The following CXXC1 variants were observed in gnomAD, a reference collection of about 807,000 sequenced individuals.
CXXC1 encodes CXXC finger protein 1, also known as CXXC-type zinc finger protein 1.
CXXC1 carries 21 observed loss-of-function variants against 83.6 expected under a neutral mutation model. That is an observed-to-expected ratio of 0.25 (90% confidence interval 0.18 to 0.36). The LOEUF (loss-of-function observed/expected upper bound fraction) is 0.36. Ranked by LOEUF, CXXC1 falls within the 10% of genes least tolerant of loss-of-function variation. CXXC1 has a pLI of 1.00. For missense variants in CXXC1, 688 were observed against 919.5 expected (o/e 0.75, Z 3.26); for synonymous variants, 371 against 337.5 (o/e 1.10, Z -1.09).
rs1450929490 is a variant in CXXC1 at position 50,286,185 on chromosome 18, C to T, written c.296G>A (p.Ser99Asn). 1 of 1,613,818 alleles carries T rather than the reference C, an allele frequency of 6.2e-7. No individual in the cohort carries two copies. The highest frequency in any genetic ancestry group is 8.5e-7 in the Non-Finnish European group (1 of 1,179,982). The change falls in exon 4 of 15, where the codon AGC (serine) becomes AAC (asparagine). Residue 99 changes from serine (S) to asparagine (N), a missense_variant. Around this residue, in one of 9 missense-constraint regions of CXXC1, gnomAD observed 142 missense variants for 150.7 expected, o/e 0.94. Coordinates refer to ENST00000285106, the MANE Select transcript of CXXC1 (RefSeq NM_014593.4). The part of the protein sequence containing the change: ...SRERDGNERD[S>N]SEPRDEGGGR... ...TCCACCCTCATCCCGGGGCTCACTGCTGTCCCGCTCATTGCCATCCCGCTC... is the reference window on the plus strand; with the variant it reads ...TCCACCCTCATCCCGGGGCTCACTGTTGTCCCGCTCATTGCCATCCCGCTC...
chr18:50,287,557 G>T (rs752941342), intron 1 of CXXC1, 30 bp downstream of exon 1: 2 of 1,611,366 alleles, frequency 1.2e-6, no homozygotes, highest in Non-Finnish European at 8.5e-7. Flanking sequence ...GACCTCCACC[G>T]CCGAACCCCT....
chr18:50,285,126 G>A lies in CXXC1; in HGVS notation c.788C>T (p.Ser263Leu). ...RIREDEGAVASSTVKEPPEAT... is the reference protein window; with the variant it reads ...RIREDEGAVALSTVKEPPEAT... ...CTCAGGAGGCTCCTTGACTGTTGATGACGCCACTGCCCCCTCATCTTCACG... is the reference window on the plus strand; with the variant it reads ...CTCAGGAGGCTCCTTGACTGTTGATAACGCCACTGCCCCCTCATCTTCACG... Residue 263 changes from serine (S) to leucine (L), a missense_variant, in exon 7 of 15, where the codon TCA becomes TTA. Around this residue, in one of 9 missense-constraint regions of CXXC1, gnomAD observed 190 missense variants for 199.7 expected, o/e 0.95. Coordinates refer to ENST00000285106, the MANE Select transcript of CXXC1 (RefSeq NM_014593.4). The surrounding 1 kb of genome is among the most constrained non-coding windows in gnomAD (Gnocchi z 4.4). The A allele has an allele frequency of 6.2e-7, 1 of 1,614,194 alleles. No homozygotes were observed. The highest frequency in any genetic ancestry group is 8.5e-7 in the Non-Finnish European group (1 of 1,180,036).
chr18:50,283,231 G>C, intron 13 of CXXC1, 34 bp downstream of exon 13: 1 of 1,565,610 alleles, frequency 6.4e-7, no homozygotes, highest in Non-Finnish European at 8.8e-7. Context: ...CAGGGAGGAG[G>C]GGCAAAATGG....
rs1401175838 is a variant in CXXC1, at chr18:50,285,908, C to T, written c.480G>A (p.Gln160=). ...TPSQHHQQQQ[Q]QIKRSARMCG... ...ACATGCGGGCTGACCGTTTGATCTG[C>T]TGCTGCTGCTGCTGGTGATGCTGCA... The change falls in exon 5 of 15, where the codon CAG becomes CAA. Residue 160 remains glutamine, a synonymous_variant. Transcript: ENST00000285106. This position sits in a 1 kb window ranked among gnomAD's most constrained non-coding sequence, Gnocchi z 4.4. 6.2e-7 allele frequency: 1 copy of T among 1,612,810 alleles called. No individual in the cohort carries two copies.
intron 1 of CXXC1, chr18:50,287,375 C>G (rs1276824884): frequency 1.6e-6 from 1 of 608,140 alleles, no homozygotes; most frequent in African/African-American, 1.9e-5. Flanking sequence ...AACTGCCACA[C>G]GGAGTCCCCA....
chr18:50,283,088 G>C, intron 13 of CXXC1, 82 bp from the exon 14 acceptor site: 1 of 1,504,206 alleles, frequency 6.6e-7, no homozygotes, highest in Non-Finnish European at 9.2e-7. Flanking sequence ...AGAAGGAAAA[G>C]AATGGAGGGT....
chr18:50,283,609 C>T, intron 11 of CXXC1, 45 bp from the exon 12 acceptor site: 1 of 1,611,262 alleles, frequency 6.2e-7, no homozygotes, highest in East Asian at 2.2e-5. Flanking sequence ...ATGTGCGCTG[C>T]ATGCCCTCCC....
At position 50,286,734 on chromosome 18, in the gene CXXC1, G is replaced by C. The variant is rs369950620; in HGVS notation, c.122+6C>G. The C allele has an allele frequency of 6.2e-7, 1 of 1,611,720 alleles. No homozygotes were observed. Among genetic ancestry groups the C allele is most frequent in the Non-Finnish European group, 8.5e-7 (1 of 1,177,830 alleles). On this transcript the variant is annotated splice_donor_region_variant and intron_variant, in intron 2 of 14. Transcript: ENST00000285106. ...TGTCAGCCCCGCCCATCTCTCCCGC[G>C]CTCACATCATGAAGCAGTTGATGTC... is the stretch of plus-strand genomic sequence containing the variant.
chr18:50,284,809 A>G lies in CXXC1; in HGVS notation c.943T>C (p.Phe315Leu). 6.2e-7 allele frequency: 1 copy of G among 1,614,172 alleles called. No homozygotes were observed. The highest frequency in any genetic ancestry group is 1.1e-5 in the South Asian group (1 of 91,082). The change falls in exon 8 of 15, where the codon TTC (phenylalanine) becomes CTC (leucine). Residue 315 changes from phenylalanine (F) to leucine (L), a missense_variant. By Grantham distance (22) the Phe-to-Leu change is conservative. Transcript: ENST00000285106. The stretch of plus-strand genomic sequence containing the variant: ...CTCTTCCGCAGCGCGGGGTCCAGGA[A>G]TGGGGACTCTTCTGTGTCGCTCATC... ...PWMSDTEESP[F>L]LDPALRKRAV...
rs764816813 is a variant in CXXC1, at chr18:50,286,523, C to T, written c.223+16G>A. ...TGAAGCCCCACCTGCCTTCCCTGTC[C>T]ATCCATGGCCCTCACCTCTGCACTC... On this transcript the variant is annotated intron_variant, in intron 3 of 14. Coordinates refer to ENST00000285106, the MANE Select transcript of CXXC1 (RefSeq NM_014593.4). 1.1e-5 allele frequency: 18 copies of T among 1,608,284 alleles called. No individual in the cohort carries two copies. The highest frequency in any genetic ancestry group is 1.5e-5 in the Non-Finnish European group (18 of 1,174,904).
In CXXC1 at chr18:50,287,634, C is replaced by A. The variant is rs776054762; in HGVS notation, c.-45G>T. On this transcript the variant is annotated 5_prime_UTR_variant, in exon 1 of 15. Transcript: ENST00000285106. ...TCCCTCACGACCCCCGCCAGCGACCCGCGAACCTGCACAGACCACTCGGCG... is the reference window on the plus strand; with the variant it reads ...TCCCTCACGACCCCCGCCAGCGACCAGCGAACCTGCACAGACCACTCGGCG... 3.1e-6 allele frequency: 5 copies of A among 1,608,294 alleles called. No individual in the cohort carries two copies. The African/African-American group carries it at 5.3e-5, about 17-fold the overall frequency.
intron 1 of CXXC1, chr18:50,287,276 G>A (rs530525971): frequency 1.2e-5 from 6 of 514,270 alleles, no homozygotes; most frequent in Middle Eastern, 8.2e-4. Context: ...CGGACTCCTC[G>A]TCACGGCTCA....
At chr18:50,286,372 T>A (rs1204658938) in intron 3 of CXXC1, 115 bp from the exon 4 acceptor site, 2 of 1,114,744 alleles carry the variant, frequency 1.8e-6, no homozygotes, top group East Asian at 4.7e-5. Flanking sequence ...TCTGCACCCC[T>A]GTCCAGGGCA....
Position 50,282,872 on chromosome 18 carries a change from G to C in CXXC1, c.1806C>G (p.Asp602Glu). 2 of 1,614,174 alleles carry C rather than the reference G, an allele frequency of 1.2e-6. No individual in the cohort carries two copies. Among genetic ancestry groups the C allele is most frequent in the Non-Finnish European group, 8.5e-7 (1 of 1,180,030 alleles). ...AACCTACCACACGCACGCGCTCCAA[G>C]TCCACTTCCGCACGCCGCAGCTTCT... ...CWEKLRRAEV[D>E]LERVRVWYKL... is the part of the protein sequence containing the mutation. Residue 602 changes from aspartate to glutamate, a missense_variant, in exon 14 of 15, where the codon GAC becomes GAG. Asp to Glu is a conservative substitution (Grantham distance 45). Around this residue, in one of 9 missense-constraint regions of CXXC1, gnomAD observed 114 missense variants for 173.3 expected, o/e 0.66. Coordinates refer to ENST00000285106, the MANE Select transcript of CXXC1 (RefSeq NM_014593.4). The surrounding 1 kb of genome is among the most constrained non-coding windows in gnomAD (Gnocchi z 5.8).
rs149380758 is a variant in CXXC1, at chr18:50,283,877, C to T, written c.1413+17G>A. 4.3e-6 allele frequency: 7 copies of T among 1,613,752 alleles called. No homozygotes were observed. The African/African-American group carries it at 5.3e-5, about 12-fold the overall frequency. ...ACAAAGTACAGGCCCTGCTCTGCTGCGCCCCTGCTTGCTCACCTCCTCATC... is the reference window on the plus strand; with the variant it reads ...ACAAAGTACAGGCCCTGCTCTGCTGTGCCCCTGCTTGCTCACCTCCTCATC... On this transcript the variant is annotated intron_variant, in intron 10 of 14. Coordinates refer to ENST00000285106, the MANE Select transcript of CXXC1 (RefSeq NM_014593.4).
At position 50,283,547 on chromosome 18, in the gene CXXC1, G is replaced by A; in HGVS notation, c.1542C>T (p.Ser514=). The A allele has an allele frequency of 6.2e-7, 1 of 1,613,902 alleles. No individual in the cohort carries two copies. Among genetic ancestry groups the A allele is most frequent in the Non-Finnish European group, 8.5e-7 (1 of 1,179,962 alleles). Residue 514 remains serine (S), a synonymous_variant, in exon 12 of 15, where the codon TCC becomes TCT. Coordinates refer to ENST00000285106, the MANE Select transcript of CXXC1 (RefSeq NM_014593.4). ...RCYAKYESQT[S]FGSMYPTRIE... is the part of the protein sequence containing the mutation. ...TGCGTGTGGGGTACATGGACCCAAA[G>A]GACGTCTGGCTCTCATACTGGAGGG...
At position 50,284,493 on chromosome 18, in the gene CXXC1, C is replaced by A. The variant is rs1475953593; in HGVS notation, c.1090G>T (p.Ala364Ser). The A allele has an allele frequency of 6.2e-7, 1 of 1,609,522 alleles. No individual in the cohort carries two copies. The highest frequency in any genetic ancestry group is 8.5e-7 in the Non-Finnish European group (1 of 1,177,782). Reference protein sequence around the residue: ...HKDKWKHPERADAKDPASLPQ... With the variant: ...HKDKWKHPERSDAKDPASLPQ... ...AGTGACGCAGGGTCCTTGGCATCAG[C>A]CCTCTCTGGGTGTTTCCATTTATCC... is the stretch of plus-strand genomic sequence containing the variant. Residue 364 changes from alanine to serine, a missense_variant, in exon 9 of 15, where the codon GCT (alanine) becomes TCT (serine). Ala to Ser is a moderately conservative substitution (Grantham distance 99). Around this residue, in one of 9 missense-constraint regions of CXXC1, gnomAD observed 190 missense variants for 199.7 expected, o/e 0.95. Coordinates refer to ENST00000285106, the MANE Select transcript of CXXC1 (RefSeq NM_014593.4).
chr18:50,286,330 C>T, intron 3 of CXXC1, 73 bp from the exon 4 acceptor site: 1 of 1,388,230 alleles, frequency 7.2e-7, no homozygotes, highest in African/African-American at 1.4e-5. Flanking sequence ...CTCTTTCTTC[C>T]TCTTCGCTCC....
At position 50,286,595 on chromosome 18, in the gene CXXC1, C is replaced by T. The variant is rs750319054; in HGVS notation, c.167G>A (p.Arg56Gln). 7 of 1,614,178 alleles carry T rather than the reference C, an allele frequency of 4.3e-6. No individual in the cohort carries two copies. Among genetic ancestry groups the T allele is most frequent in the East Asian group, 2.2e-5 (1 of 44,878 alleles). Residue 56 changes from arginine to glutamine, a missense_variant, in exon 3 of 15, where the codon CGG (arginine) becomes CAG (glutamine). Transcript: ENST00000285106. ...GGCCTTGGCCATCTTCTCAGTGATCCGGATGCAGTCCCCATGGAACCACTC... is the reference window on the plus strand; with the variant it reads ...GGCCTTGGCCATCTTCTCAGTGATCTGGATGCAGTCCCCATGGAACCACTC... ...CNEWFHGDCI[R>Q]ITEKMAKAIR...
Sources: allele counts gnomAD v4.1 joint callset, GRCh38; gene constraint gnomAD v4.1.1; regional missense constraint gnomAD v4.1.1; non-coding constraint Gnocchi (gnomAD v3.1); transcripts MANE v1.5; gene names NCBI Gene and HGNC (gene_info 2026-07-23, HGNC 2026-07-21).